Variants in TTN observed in about 807,000 individuals in gnomAD.
TTN encodes titin.
In TTN, 1,525 loss-of-function variants were observed where a neutral mutation model predicts 3,223.0. That is an observed-to-expected ratio of 0.47 (90% CI 0.45 to 0.49). TTN has a LOEUF of 0.49. Among genes scored for constraint, TTN ranks in the 20% least tolerant of loss-of-function variants. The pLI is 0.00. For missense variants in TTN, 40,786 were observed against 43,424.0 expected, an observed-to-expected ratio of 0.94 and a Z score of 5.40; for synonymous variants, 14,094 against 15,161.0, an observed-to-expected ratio of 0.93 and a Z score of 5.17.
intron 19 of TTN, 52 bp from the exon 20 acceptor site, chr2:178,782,479 C>T: frequency 1.9e-6 from 3 of 1,613,756 alleles, no homozygotes; most frequent in Non-Finnish European, 1.7e-6. Flanking sequence ...TTTGCCAATA[C>T]TGGTGGGGCT....
At chr2:178,691,947 T>A (rs754670545) in intron 121 of TTN, 69 bp downstream of exon 121, 1 of 1,322,484 alleles carries the variant, frequency 7.6e-7, no homozygotes, top group Admixed American at 2.1e-5. Flanking sequence ...ATAGTACATA[T>A]GAAGATCGTA....
At chr2:178,794,047 T>C (rs1209892964) in intron 8 of TTN, among the ~76,000 whole-genome samples, 2 of 152,218 alleles carry the variant, frequency 1.3e-5, no homozygotes, top group Admixed American at 6.5e-5. Context: ...CCTGAAATAG[T>C]AGTTTCCACA....
rs2058075487 is a variant in TTN at position 178,620,305 on chromosome 2, C to T, written c.46216G>A (p.Asp15406Asn). ...AGCTGGCAGGAGAAGACAGCGTCAT[C>T]GAACTCAGTGACTGTCTGATCTTCC... ...HLEDQTVTEF[D>N]DAVFSCQLSR... Residue 15406 changes from aspartate to asparagine, a missense_variant, in exon 248 of 363, where the codon GAT becomes AAT. Physicochemically the swap from Asp to Asn is conservative, Grantham distance 23. Coordinates refer to ENST00000589042, the MANE Select transcript of TTN (RefSeq NM_001267550.2). 4 of 1,572,226 alleles carry T rather than the reference C, an allele frequency of 2.5e-6. No homozygotes were observed. The highest frequency in any genetic ancestry group is 2.6e-6 in the Non-Finnish European group (3 of 1,158,658).
chr2:178,689,822 G>C lies in TTN; in HGVS notation c.31837C>G (p.Pro10613Ala), dbSNP rs200213832. 3.9e-4 allele frequency: 636 copies of C among 1,611,062 alleles called. 5 individuals carry two copies. The Middle Eastern group carries it at 0.015, about 37-fold the overall frequency. ...VPVAKKKEAP[P>A]AKVPEVQKGV... ...TCGAAAGCCACTGTACCTTTAGCTG[G>C]GGGAGCTTCCTTTTTCTTTGCAACA... Residue 10613 changes from proline (P) to alanine (A), a missense_variant, in exon 122 of 363, where the codon CCA (proline) becomes GCA (alanine). Coordinates refer to ENST00000589042, the MANE Select transcript of TTN (RefSeq NM_001267550.2).
rs1355567966 is a variant in TTN at position 178,570,806 on chromosome 2, G to T, written c.75326C>A (p.Pro25109Gln). The change falls in exon 326 of 363, where the codon CCA (proline) becomes CAA (glutamine). Residue 25109 changes from proline (P) to glutamine (Q), a missense_variant. Physicochemically the swap from Pro to Gln is moderately conservative, Grantham distance 76 (BLOSUM62 -1). Transcript: ENST00000589042. ...AITARDEVDP[P>Q]RISMDPKYKD... ...GTATTTTGGATCCATACTTATTCGT[G>T]GTGGATCTACCTCATCTCTAGCTGT... 6.2e-7 allele frequency: 1 copy of T among 1,613,464 alleles called. No homozygotes were observed. Among genetic ancestry groups the T allele is most frequent in the East Asian group, 2.2e-5 (1 of 44,826 alleles).
At position 178,756,697 on chromosome 2, in the gene TTN, T is replaced by A; in HGVS notation, c.10779A>T (p.Ile3593=). The change falls in exon 46 of 363, where the codon ATA becomes ATT. Residue 3593 remains isoleucine, a synonymous_variant. Transcript: ENST00000589042. ...GAAATGACTTAATTTCCTTTTGAGA[T>A]ATTTTGCTCTCCTCCTTTGTGAAAG... ...DSSFTKEESK[I]SQKEIKSFQG... is the part of the protein sequence containing the mutation. 1 of 1,613,868 alleles carries A rather than the reference T, an allele frequency of 6.2e-7. No individual in the cohort carries two copies. Among genetic ancestry groups the A allele is most frequent in the Non-Finnish European group, 8.5e-7 (1 of 1,179,816 alleles).
chr2:178,577,780 A>C lies in TTN; in HGVS notation c.68646T>G (p.Asp22882Glu). ...KLTGYIVEKR[D>E]LPSKSWMKAN... ...CTTTCATCCAAGACTTCGAAGGTAG[A>C]TCTCGCTTCTCCACTATATATCCAG... Residue 22882 changes from aspartate (D) to glutamate (E), a missense_variant, in exon 323 of 363, where the codon GAT (aspartate) becomes GAG (glutamate). Coordinates refer to ENST00000589042, the MANE Select transcript of TTN (RefSeq NM_001267550.2). The C allele has an allele frequency of 1.2e-6, 2 of 1,613,256 alleles. No individual in the cohort carries two copies. The highest frequency in any genetic ancestry group is 8.5e-7 in the Non-Finnish European group (1 of 1,179,538).
chr2:178,722,336 C>A lies in TTN; in HGVS notation c.22451G>T (p.Ser7484Ile). ...ATLKILQTDLSHSGQYSCSAS... is the reference protein window; with the variant it reads ...ATLKILQTDLIHSGQYSCSAS... ...TGAGCAAGAGTACTGGCCAGAGTGA[C>A]TCAAGTCAGTTTGCAAAATTTTTAA... The change falls in exon 77 of 363, where the codon AGT (serine) becomes ATT (isoleucine). Residue 7484 changes from serine (S) to isoleucine (I), a missense_variant. By Grantham distance (142) the Ser-to-Ile change is moderately radical. Coordinates refer to ENST00000589042, the MANE Select transcript of TTN (RefSeq NM_001267550.2). The A allele has an allele frequency of 6.2e-7, 1 of 1,613,154 alleles. No homozygotes were observed. Among genetic ancestry groups the A allele is most frequent in the Non-Finnish European group, 8.5e-7 (1 of 1,179,452 alleles).
At chr2:178,637,020 A>C (rs2060520024) in intron 224 of TTN, among the ~76,000 whole-genome samples, 1 of 151,522 alleles carries the variant, frequency 6.6e-6, no homozygotes, top group African/African-American at 2.4e-5. Context: ...CCTTTTCTCA[A>C]GTTTTAATCT....
intron 309 of TTN, 24 bp downstream of exon 309, chr2:178,585,048 C>T (rs543316485): frequency 1.2e-6 from 2 of 1,603,602 alleles, no homozygotes; most frequent in South Asian, 1.1e-5. Flanking sequence ...ATTTAGATGG[C>T]CATTTGTCTA....
In TTN at chr2:178,730,743, G is replaced by C; in HGVS notation, c.17790C>G (p.Ser5930Arg). The stretch of plus-strand genomic sequence containing the variant: ...CTAAATCAATGAAAGAACCTTTAAT[G>C]CTGTCCATTTTCTTCAGCTTTTTGG... Reference protein sequence around the residue: ...SFTKKLKKMDSIKGSFIDLEC... With the variant: ...SFTKKLKKMDRIKGSFIDLEC... The change falls in exon 61 of 363, where the codon AGC (serine) becomes AGG (arginine). Residue 5930 changes from serine (S) to arginine (R), a missense_variant. Ser to Arg is a moderately radical substitution (Grantham distance 110, BLOSUM62 -1). Coordinates refer to ENST00000589042, the MANE Select transcript of TTN (RefSeq NM_001267550.2). The C allele has an allele frequency of 6.2e-7, 1 of 1,610,528 alleles. No homozygotes were observed. Among genetic ancestry groups the C allele is most frequent in the African/African-American group, 1.3e-5 (1 of 74,924 alleles).
chr2:178,759,964 G>C (rs1461325958), intron 43 of TTN, among the ~76,000 whole-genome samples: 3 of 152,122 alleles, frequency 2.0e-5, no homozygotes, highest in Admixed American at 6.5e-5. Flanking sequence ...ATAATTGTAG[G>C]TGATATGCAC....
chr2:178,615,742 A>G lies in TTN; in HGVS notation c.48359T>C (p.Val16120Ala), dbSNP rs745999025. Residue 16120 changes from valine to alanine, a missense_variant, in exon 258 of 363, where the codon GTT becomes GCT. Val to Ala is a moderately conservative substitution (Grantham distance 64). Coordinates refer to ENST00000589042, the MANE Select transcript of TTN (RefSeq NM_001267550.2). ...TDLEFTVPDL[V>A]QGKEYLFKVC... ...TTTAAATAAGTACTCTTTTCCTTGA[A>G]CAAGATCAGGAACTGTGAATTCTAG... 5 of 1,612,078 alleles carry G rather than the reference A, an allele frequency of 3.1e-6. No homozygotes were observed. The African/African-American group carries it at 5.3e-5, about 17-fold the overall frequency.
chr2:178,745,469 T>C (rs1012621264), intron 47 of TTN: 1 of 1,519,184 alleles, frequency 6.6e-7, no homozygotes. Flanking sequence ...GTCTCCAAGG[T>C]AATGAATTCA....
chr2:178,675,284 G>A, intron 149 of TTN, 171 bp from the exon 150 acceptor site: 1 of 457,668 alleles, frequency 2.2e-6, no homozygotes, highest in Non-Finnish European at 3.8e-6. Context: ...AAAGGTTTGT[G>A]GTTTAAGATT....
chr2:178,601,525 A>G lies in TTN; in HGVS notation c.55472T>C (p.Ile18491Thr). Residue 18491 changes from isoleucine (I) to threonine (T), a missense_variant, in exon 287 of 363, where the codon ATC becomes ACC. Ile to Thr is a moderately conservative substitution (Grantham distance 89). Coordinates refer to ENST00000589042, the MANE Select transcript of TTN (RefSeq NM_001267550.2). ...TGAAAGTCTGCAACTACCCCTTGTG[A>G]TATCACTGACTTTCAGATCTTTGGG... ...GPPKDLKVSD[I>T]TRGSCRLSWK... 2 of 1,612,670 alleles carry G rather than the reference A, an allele frequency of 1.2e-6. No individual in the cohort carries two copies. Among genetic ancestry groups the G allele is most frequent in the Non-Finnish European group, 1.7e-6 (2 of 1,179,146 alleles).
Position 178,663,475 on chromosome 2 carries a change from G to T in TTN, c.36574C>A (p.Pro12192Thr). Residue 12192 changes from proline to threonine, a missense_variant, in exon 172 of 363, where the codon CCA becomes ACA. Physicochemically the swap from Pro to Thr is conservative, Grantham distance 38. Transcript: ENST00000589042. Reference protein sequence around the residue: ...PKEVVPEKKVPVPPPKKPEVP... With the variant: ...PKEVVPEKKVTVPPPKKPEVP... ...TCAGGCTTTTTAGGAGGAGGCACTG[G>T]CACTTTCTTTTCAGGAACAACTTCT... 6.2e-7 allele frequency: 1 copy of T among 1,612,498 alleles called. No individual in the cohort carries two copies. The highest frequency in any genetic ancestry group is 8.5e-7 in the Non-Finnish European group (1 of 1,179,572).
intron 2 of TTN, among the ~76,000 whole-genome samples, chr2:178,802,916 A>C (rs1045536152): frequency 6.6e-6 from 1 of 152,236 alleles, no homozygotes; most frequent in Non-Finnish European, 1.5e-5. Context: ...GCAATTTCTC[A>C]TAAGAGACTA....
Position 178,551,236 on chromosome 2 carries a change from A to G in TTN, c.91295T>C (p.Ile30432Thr). 3 of 1,613,112 alleles carry G rather than the reference A, an allele frequency of 1.9e-6. No homozygotes were observed. Among genetic ancestry groups the G allele is most frequent in the Non-Finnish European group, 8.5e-7 (1 of 1,179,570 alleles). The change falls in exon 336 of 363, where the codon ATT (isoleucine) becomes ACT (threonine). Residue 30432 changes from isoleucine to threonine, a missense_variant. By Grantham distance (89) the Ile-to-Thr change is moderately conservative (BLOSUM62 -1). Transcript: ENST00000589042. Reference sequence around the variant, plus strand: ...TGTGATGGTTTCCCGGGTGACATCAATGTAGTCAGGAGTGCCAGGTGGGTC... The same window carrying G: ...TGTGATGGTTTCCCGGGTGACATCAGTGTAGTCAGGAGTGCCAGGTGGGTC... Reference protein sequence around the residue: ...PVDPPGTPDYIDVTRETITLK... With the variant: ...PVDPPGTPDYTDVTRETITLK...
Sources: allele counts gnomAD v4.1 joint callset (sites outside exome capture counted in the v4.1 genomes callset), GRCh38; gene constraint gnomAD v4.1.1; transcripts MANE v1.5; gene names NCBI Gene and HGNC (gene_info 2026-07-23, HGNC 2026-07-21).